Variants in EIPR1 observed in about 807,000 individuals in gnomAD.
The protein encoded by EIPR1 is EARP complex and GARP complex interacting protein 1.
A neutral mutation model predicts 48.1 loss-of-function variants in EIPR1; 25 were observed. The ratio of observed to expected loss-of-function variants is 0.52; its 90% CI spans 0.38 to 0.73. The LOEUF is 0.73. EIPR1 is among the 30% of genes least tolerant of loss of function. EIPR1 has a pLI of 0.00. For missense variants in EIPR1, 415 were observed against 506.2 expected (o/e 0.82, Z 1.73); for synonymous variants, 204 against 201.9 (o/e 1.01, Z -0.09).
At chr2:3,344,238 C>T (rs752496072) in intron 2 of EIPR1, among the ~76,000 whole-genome samples, 2 of 152,202 alleles carry the variant, frequency 1.3e-5, no homozygotes, top group African/African-American at 4.8e-5. Flanking sequence ...GTCCCTGCCA[C>T]GTCATCCATG....
chr2:3,346,095 C>G (rs1670392416), intron 2 of EIPR1, among the ~76,000 whole-genome samples: 2 of 152,260 alleles, frequency 1.3e-5, no homozygotes, highest in South Asian at 4.1e-4. Context: ...ACACCCTGCC[C>G]ACCCCCTACA....
chr2:3,271,502 G>A (rs1020515791), intron 3 of EIPR1, among the ~76,000 whole-genome samples: 2 of 152,198 alleles, frequency 1.3e-5, no homozygotes, highest in African/African-American at 4.8e-5. Context: ...GTGCTAGCAG[G>A]CATGAAAACA....
intron 1 of EIPR1, among the ~76,000 whole-genome samples, chr2:3,372,941 A>C (rs1659730306): frequency 6.6e-6 from 1 of 151,776 alleles, no homozygotes; most frequent in African/African-American, 2.4e-5. Context: ...AGAGAATTTT[A>C]GACCAATATC....
At chr2:3,199,343 G>A (rs1176318318) in intron 5 of EIPR1, among the ~76,000 whole-genome samples, 1 of 152,136 alleles carries the variant, frequency 6.6e-6, no homozygotes, top group Non-Finnish European at 1.5e-5. Context: ...GGGTCCTGAG[G>A]CAACATACAT....
chr2:3,214,244 C>A lies in EIPR1; in HGVS notation c.421G>T (p.Val141Leu), dbSNP rs369361468. The part of the protein sequence containing the change: ...NTAHGNMACV[V>L]WEPMGDGKKI... ...TTCCCATCTCCCATTGGCTCCCACA[C>A]GACACTAAGAGAAAGAGAAGTACCA... Residue 141 changes from valine (V) to leucine (L), a missense_variant, in exon 5 of 9, where the codon GTG becomes TTG. Physicochemically the swap from Val to Leu is conservative, Grantham distance 32 (BLOSUM62 1). Transcript: ENST00000382125. 1.9e-6 allele frequency: 3 copies of A among 1,613,080 alleles called. No homozygotes were observed. Among genetic ancestry groups the A allele is most frequent in the East Asian group, 2.2e-5 (1 of 44,860 alleles).
At chr2:3,245,199 C>T (rs1255300222) in intron 4 of EIPR1, among the ~76,000 whole-genome samples, 2 of 151,592 alleles carry the variant, frequency 1.3e-5, no homozygotes, top group African/African-American at 2.4e-5. Flanking sequence ...CGTTGCGTTG[C>T]GTTGCGTTGC....
intron 4 of EIPR1, among the ~76,000 whole-genome samples, chr2:3,241,669 G>A (rs977504868): frequency 3.9e-5 from 6 of 152,136 alleles, no homozygotes; most frequent in Admixed American, 6.6e-5. Context: ...ACTAGGTGGC[G>A]CACACCTGAT....
At chr2:3,328,907 G>A (rs1558301851) in intron 3 of EIPR1, among the ~76,000 whole-genome samples, 2 of 144,638 alleles carry the variant, frequency 1.4e-5, no homozygotes, top group Non-Finnish European at 1.5e-5. Flanking sequence ...GTGCCAGCCT[G>A]GGCTCCCCTG....
rs574800716 is a variant in EIPR1, at chr2:3,266,182, C to T, written c.260-8727G>A. 1.2e-4 allele frequency among the ~76,000 whole-genome samples: 19 copies of T among 152,296 alleles called. No individual in the cohort carries two copies. In the South Asian group the frequency reaches 2.9e-3, roughly 23 times the overall value. On this transcript the variant is annotated intron_variant, in intron 3 of 8. Coordinates refer to ENST00000382125, the MANE Select transcript of EIPR1 (RefSeq NM_003310.5). ...GCATGAATAGTAGCTCCAGTCAGCC[C>T]GGCTAAAGGGCGAACAATGCCCTGC...
At chr2:3,210,654 G>C (rs12998568) in intron 5 of EIPR1, among the ~76,000 whole-genome samples, 6 of 137,566 alleles carry the variant, frequency 4.4e-5, no homozygotes, top group African/African-American at 1.7e-4. Context: ...TTTTTGAGAC[G>C]GAGTCTCGCT....
chr2:3,257,508 T>A (rs188430973), intron 3 of EIPR1, 53 bp from the exon 4 acceptor site: 1 of 1,594,516 alleles, frequency 6.3e-7, no homozygotes, highest in Non-Finnish European at 8.6e-7. Flanking sequence ...GTGCCCCGCA[T>A]TCTGCAGACA....
At chr2:3,296,612 G>A (rs1442755057) in intron 3 of EIPR1, among the ~76,000 whole-genome samples, 1 of 121,542 alleles carries the variant, frequency 8.2e-6, no homozygotes, top group African/African-American at 3.2e-5. Context: ...CCTCCATCCA[G>A]CCCATCCTCT....
At chr2:3,323,320 G>T (rs1245535673) in intron 3 of EIPR1, among the ~76,000 whole-genome samples, 1 of 152,180 alleles carries the variant, frequency 6.6e-6, no homozygotes, top group Admixed American at 6.5e-5. Context: ...AAGGTGATGT[G>T]GGGGTGGTAT....
In EIPR1 at chr2:3,322,506, C is replaced by G. The variant is rs551497404; in HGVS notation, c.259+15511G>C. Among the ~76,000 whole-genome samples the G allele has an allele frequency of 2.6e-5, 4 of 152,322 alleles. No homozygotes were observed. In the East Asian group the frequency reaches 7.7e-4, roughly 29 times the overall value. On this transcript the variant is annotated intron_variant, in intron 3 of 8. Coordinates refer to ENST00000382125, the MANE Select transcript of EIPR1 (RefSeq NM_003310.5). ...TGACAAAAATGGAACCTACAAAGTT[C>G]AGGTGTCAGAGATTACAGGACTGAT...
At chr2:3,305,157 C>A (rs866531931) in intron 3 of EIPR1, among the ~76,000 whole-genome samples, 21 of 133,862 alleles carry the variant, frequency 1.6e-4, no homozygotes, top group Admixed American at 3.0e-4. Flanking sequence ...CAGCCCTCCA[C>A]TCCCGTCCAG....
At chr2:3,336,490 G>T (rs62119495) in intron 3 of EIPR1, among the ~76,000 whole-genome samples, 1 of 152,070 alleles carries the variant, frequency 6.6e-6, no homozygotes, top group Non-Finnish European at 1.5e-5. Flanking sequence ...AAGAAGGGCC[G>T]GGCGCAGTGG....
intron 3 of EIPR1, among the ~76,000 whole-genome samples, chr2:3,314,098 T>C (rs1322428097): frequency 1.3e-5 from 2 of 152,162 alleles, no homozygotes; most frequent in Non-Finnish European, 2.9e-5. Flanking sequence ...ACGCTGGCCA[T>C]ATGTCATTGG....
At chr2:3,376,660 T>A (rs1364302745) in intron 1 of EIPR1, among the ~76,000 whole-genome samples, 2 of 145,532 alleles carry the variant, frequency 1.4e-5, no homozygotes, top group East Asian at 4.0e-4. Context: ...CACTGCACTC[T>A]AGCCTGGGCA....
chr2:3,253,977 G>C (rs1376310953), intron 4 of EIPR1, among the ~76,000 whole-genome samples: 1 of 152,192 alleles, frequency 6.6e-6, no homozygotes, highest in Non-Finnish European at 1.5e-5. Flanking sequence ...AGCGACGTGA[G>C]TGTGGGGAAC....
Sources: gnomAD v4.1 joint callset for allele counts (sites outside exome capture counted in the v4.1 genomes callset) on GRCh38, gnomAD v4.1.1 for gene constraint, MANE v1.5 for transcripts, NCBI Gene and HGNC (gene_info 2026-07-23, HGNC 2026-07-21) for gene names.